ANKS1B: variants seen among roughly 807,000 people sequenced by gnomAD.
The protein encoded by ANKS1B is ankyrin repeat and sterile alpha motif domain containing 1B.
A neutral mutation model predicts 148.3 loss-of-function variants in ANKS1B; 36 were observed. The ratio of observed to expected loss-of-function variants is 0.24; its 90% confidence interval spans 0.19 to 0.32. The LOEUF is 0.32. Among genes scored for constraint, ANKS1B ranks in the 10% least tolerant of loss-of-function variants. The pLI is 1.00. For missense variants in ANKS1B, 1,157 were observed against 1,542.6 expected (o/e 0.75, Z 4.19); for synonymous variants, 542 against 560.8 (o/e 0.97, Z 0.47).
intron 17 of ANKS1B, among the ~76,000 whole-genome samples, chr12:99,014,035 C>CA (rs1042163279): frequency 2.0e-5 from 3 of 151,410 alleles, no homozygotes; most frequent in African/African-American, 7.3e-5. Flanking sequence ...CATATGGAGC[C>CA]AAAAAAAGAA....
intron 17 of ANKS1B, among the ~76,000 whole-genome samples, chr12:99,009,809 A>T (rs2099938205): frequency 1.3e-5 from 2 of 150,936 alleles, no homozygotes; most frequent in Non-Finnish European, 2.9e-5. Flanking sequence ...GGATTACATC[A>T]CTTTTCTTTG....
intron 14 of ANKS1B, among the ~76,000 whole-genome samples, chr12:99,185,807 T>G (rs571232681): frequency 2.6e-5 from 4 of 152,308 alleles, no homozygotes; most frequent in African/African-American, 9.6e-5. Flanking sequence ...AAGCATAAAA[T>G]TGGGCGGCCA....
chr12:99,234,519 C>T (rs2201160), intron 14 of ANKS1B, among the ~76,000 whole-genome samples: 62,808 of 151,910 alleles, frequency 0.41, 13,764 homozygotes, highest in African/African-American at 0.57. Flanking sequence ...ACAGGGCTTA[C>T]GTGTATTTAT....
intron 10 of ANKS1B, among the ~76,000 whole-genome samples, chr12:99,486,693 G>T (rs917524584): frequency 6.6e-6 from 1 of 152,096 alleles, no homozygotes; most frequent in Non-Finnish European, 1.5e-5. Context: ...AAGGGGAAGA[G>T]TTGCAGTTAC....
chr12:99,527,158 A>G (rs1326547743), intron 9 of ANKS1B, among the ~76,000 whole-genome samples: 1 of 152,204 alleles, frequency 6.6e-6, no homozygotes, highest in Non-Finnish European at 1.5e-5. Flanking sequence ...TAAGGTATGC[A>G]GTTTGTAGTA....
chr12:98,965,887 G>A (rs1405157213), intron 17 of ANKS1B, among the ~76,000 whole-genome samples: 2 of 152,180 alleles, frequency 1.3e-5, no homozygotes, highest in Middle Eastern at 3.4e-3. Context: ...CACCTCATAC[G>A]AAAATTAATT....
intron 15 of ANKS1B, among the ~76,000 whole-genome samples, chr12:99,107,308 T>G (rs1345009673): frequency 6.6e-6 from 1 of 152,052 alleles, no homozygotes. Flanking sequence ...TGCGGTGCCG[T>G]GTAGAAGTGA....
intron 1 of ANKS1B, among the ~76,000 whole-genome samples, chr12:99,844,980 A>G (rs1282354865): frequency 1.3e-5 from 2 of 151,826 alleles, no homozygotes; most frequent in Non-Finnish European, 2.9e-5. Context: ...TAGGTATTTT[A>G]TTCTTTTTGT....
chr12:99,286,743 G>T (rs1355996359), intron 12 of ANKS1B, among the ~76,000 whole-genome samples: 2 of 152,122 alleles, frequency 1.3e-5, no homozygotes, highest in Non-Finnish European at 2.9e-5. Context: ...CCTTGGGCCT[G>T]GAGCAAACAT....
At chr12:98,768,590 C>T (rs933317740) in intron 25 of ANKS1B, among the ~76,000 whole-genome samples, 5 of 151,756 alleles carry the variant, frequency 3.3e-5, no homozygotes, top group East Asian at 1.9e-4. Context: ...AAAAATTAGC[C>T]GGGCGTGCTG....
intron 4 of ANKS1B, among the ~76,000 whole-genome samples, chr12:99,785,171 T>C (rs759433720): frequency 3.9e-5 from 6 of 151,934 alleles, no homozygotes; most frequent in Non-Finnish European, 8.8e-5. Flanking sequence ...ATGAAGCTTT[T>C]TGAGCTACAC....
chr12:99,690,788 A>C (rs1428783840), intron 8 of ANKS1B, among the ~76,000 whole-genome samples: 1 of 152,016 alleles, frequency 6.6e-6, no homozygotes, highest in Non-Finnish European at 1.5e-5. Context: ...CTGTAAGTGG[A>C]TCTATGATTC....
chr12:99,365,320 T>C (rs565846554), intron 12 of ANKS1B, among the ~76,000 whole-genome samples: 24 of 152,302 alleles, frequency 1.6e-4, no homozygotes, highest in African/African-American at 3.8e-4. Flanking sequence ...ATGTCAGACA[T>C]TGAGTCACCC....
intron 17 of ANKS1B, among the ~76,000 whole-genome samples, chr12:98,889,737 A>T (rs2099748246): frequency 6.6e-6 from 1 of 152,256 alleles, no homozygotes; most frequent in African/African-American, 2.4e-5. Flanking sequence ...CTTTGATAAC[A>T]GACCATTAAA....
At chr12:98,791,097 A>G (rs1480164138) in intron 22 of ANKS1B, among the ~76,000 whole-genome samples, 1 of 152,220 alleles carries the variant, frequency 6.6e-6, no homozygotes, top group African/African-American at 2.4e-5. Context: ...CTGTAATCCC[A>G]GCACTTTGGG....
intron 23 of ANKS1B, chr12:98,781,541 A>T (rs551675119): frequency 1.7e-4 from 72 of 430,158 alleles, no homozygotes; most frequent in Non-Finnish European, 1.7e-4. Flanking sequence ...TCCTACTGCA[A>T]TTTCAAGTGA....
At chr12:99,861,395 A>G (rs2089994150) in intron 1 of ANKS1B, among the ~76,000 whole-genome samples, 1 of 152,214 alleles carries the variant, frequency 6.6e-6, no homozygotes, top group Non-Finnish European at 1.5e-5. Flanking sequence ...TTAAAAAGAT[A>G]TATCTAGTTA....
rs377276450 is a variant in ANKS1B at position 99,295,725 on chromosome 12, C to T, written c.1757-48861G>A. Among the ~76,000 whole-genome samples the T allele has an allele frequency of 1.5e-3, 230 of 152,244 alleles. 2 individuals carry two copies. Among genetic ancestry groups the T allele is most frequent in the African/African-American group, 5.1e-3 (210 of 41,554 alleles). On this transcript the variant is annotated intron_variant, in intron 12 of 26. Transcript: ENST00000683438. ...ACACCCAGGTGTTAAGCCTGGTACACATTAGTTATTTTTCCTGATCCTCTT... is the reference window on the plus strand; with the variant it reads ...ACACCCAGGTGTTAAGCCTGGTACATATTAGTTATTTTTCCTGATCCTCTT...
chr12:99,443,646 G>A, intron 11 of ANKS1B, 27 bp downstream of exon 11: 2 of 1,609,462 alleles, frequency 1.2e-6, no homozygotes, highest in Non-Finnish European at 1.7e-6. Context: ...ACATTAGAGG[G>A]AAAATGATGC....
Sources: allele counts gnomAD v4.1 joint callset (sites outside exome capture counted in the v4.1 genomes callset), GRCh38; gene constraint gnomAD v4.1.1; transcripts MANE v1.5; gene names NCBI Gene and HGNC (gene_info 2026-07-23, HGNC 2026-07-21).